The following ITGA9 variants were observed in gnomAD, a reference collection of about 807,000 sequenced individuals.
ITGA9 encodes integrin alpha-9.
A neutral mutation model predicts 127.8 loss-of-function variants in ITGA9; 56 were observed. The ratio of observed to expected loss-of-function variants is 0.44; its 90% CI spans 0.35 to 0.55. The LOEUF (loss-of-function observed/expected upper bound fraction) is 0.55. Ranked by LOEUF, ITGA9 falls within the 20% of genes least tolerant of loss-of-function variation. ITGA9 has a pLI of 0.00. For missense variants in ITGA9, 1,196 were observed against 1,347.1 expected (o/e 0.89, Z 1.76); for synonymous variants, 508 against 514.5 (o/e 0.99, Z 0.17).
At chr3:37,766,380 T>G (rs546674608) in intron 23 of ITGA9, among the ~76,000 whole-genome samples, 120 of 152,366 alleles carry the variant, frequency 7.9e-4, no homozygotes, top group African/African-American at 2.7e-3. Context: ...CATGAAGTCC[T>G]TGAAACTTGA....
chr3:37,536,744 C>T (rs962303072), intron 14 of ITGA9, among the ~76,000 whole-genome samples: 3 of 152,242 alleles, frequency 2.0e-5, no homozygotes, highest in Non-Finnish European at 4.4e-5. Flanking sequence ...CAGACTTTCT[C>T]TGTAGGAGGT....
intron 18 of ITGA9, among the ~76,000 whole-genome samples, chr3:37,691,662 G>A (rs1018998109): frequency 1.3e-5 from 2 of 152,174 alleles, no homozygotes; most frequent in South Asian, 2.1e-4. Flanking sequence ...GCTGTTTTCC[G>A]TATGTTCTAG....
chr3:37,568,340 C>T (rs989758106), intron 15 of ITGA9, among the ~76,000 whole-genome samples: 1 of 152,284 alleles, frequency 6.6e-6, no homozygotes, highest in Admixed American at 6.5e-5. Flanking sequence ...TTTTTTCCTC[C>T]TAGGCCTCCA....
chr3:37,731,260 C>T (rs1019715463), intron 18 of ITGA9, among the ~76,000 whole-genome samples: 2 of 152,140 alleles, frequency 1.3e-5, no homozygotes, highest in Admixed American at 6.5e-5. Flanking sequence ...CACTCTCGCC[C>T]AGGCTGGAGT....
Position 37,799,565 on chromosome 3 carries a change from A to C in ITGA9, c.2890-4258A>C, listed in dbSNP as rs914293295. Among the ~76,000 whole-genome samples the C allele has an allele frequency of 2.0e-5, 3 of 152,204 alleles. No individual in the cohort carries two copies. The highest frequency in any genetic ancestry group is 7.2e-5 in the African/African-American group (3 of 41,452). Reference sequence around the variant, plus strand: ...AAATATGTGTCCTGGGAGCAGCTGGAAAGGCAGGAAGGAGACCAGAGTATG... The same window carrying C: ...AAATATGTGTCCTGGGAGCAGCTGGCAAGGCAGGAAGGAGACCAGAGTATG... On this transcript the variant is annotated intron_variant, in intron 26 of 27. Transcript: ENST00000264741. This position sits in a 1 kb window ranked among gnomAD's most constrained non-coding sequence, Gnocchi z 4.0.
chr3:37,643,516 G>A (rs201087285), intron 16 of ITGA9, among the ~76,000 whole-genome samples: 2 of 138,802 alleles, frequency 1.4e-5, no homozygotes, highest in East Asian at 2.1e-4. Context: ...TTTGCAATTT[G>A]TGGGGGGAAA....
chr3:37,792,072 G>A (rs549510396), intron 26 of ITGA9, among the ~76,000 whole-genome samples: 31 of 152,262 alleles, frequency 2.0e-4, no homozygotes, highest in African/African-American at 6.7e-4. Context: ...CCCATCCTAT[G>A]CCATCAGCAG....
intron 16 of ITGA9, among the ~76,000 whole-genome samples, chr3:37,649,112 G>A (rs371823224): frequency 1.1e-3 from 121 of 110,274 alleles, no homozygotes; most frequent in African/African-American, 3.8e-3. Context: ...AAAACCTATC[G>A]ATACAAAAAA....
intron 23 of ITGA9, among the ~76,000 whole-genome samples, chr3:37,758,012 A>T (rs1696674572): frequency 6.6e-6 from 1 of 151,778 alleles, no homozygotes; most frequent in African/African-American, 2.4e-5. Context: ...GAAAACAGAT[A>T]CAAAAGTTCT....
rs116389771 is a variant in ITGA9 at position 37,480,549 on chromosome 3, G to A, written c.421-935G>A. ...GTGAGATGGAGATGTTCTGTGTCTT[G>A]CTAGGGCCTTGGTGACATGAGTGTG... On this transcript the variant is annotated intron_variant, in intron 3 of 27. Coordinates refer to ENST00000264741, the MANE Select transcript of ITGA9 (RefSeq NM_002207.3). 9.0e-3 allele frequency among the ~76,000 whole-genome samples: 1,367 copies of A among 152,280 alleles called. 18 individuals are homozygous for A. Among genetic ancestry groups the A allele is most frequent in the African/African-American group, 0.031 (1,280 of 41,542 alleles).
intron 15 of ITGA9, among the ~76,000 whole-genome samples, chr3:37,589,058 T>C (rs1478441387): frequency 6.6e-6 from 1 of 152,194 alleles, no homozygotes; most frequent in Non-Finnish European, 1.5e-5. Flanking sequence ...CTGACCAGCT[T>C]GGTGATTTTT....
intron 17 of ITGA9, among the ~76,000 whole-genome samples, chr3:37,663,258 A>C (rs929973868): frequency 6.6e-6 from 1 of 152,234 alleles, no homozygotes; most frequent in African/African-American, 2.4e-5. Context: ...CATATGATAA[A>C]GAAAAAGACT....
intron 15 of ITGA9, among the ~76,000 whole-genome samples, chr3:37,574,868 G>A (rs899755045): frequency 6.6e-6 from 1 of 152,138 alleles, no homozygotes; most frequent in African/African-American, 2.4e-5. Context: ...GCTCCAGCAG[G>A]ATCAGAATGA....
chr3:37,813,313 CTT>C (rs1697390973), intron 27 of ITGA9, among the ~76,000 whole-genome samples: 1 of 152,144 alleles, frequency 6.6e-6, no homozygotes, highest in Non-Finnish European at 1.5e-5. Context: ...GGTATGGTAA[CTT>C]GGGGATTATT....
chr3:37,816,146 G>T (rs1488903024), intron 27 of ITGA9, among the ~76,000 whole-genome samples: 1 of 152,140 alleles, frequency 6.6e-6, no homozygotes, highest in African/African-American at 2.4e-5. Context: ...CATGGTAAAG[G>T]GTGTGGAGGG....
intron 15 of ITGA9, among the ~76,000 whole-genome samples, chr3:37,614,597 G>T (rs968982000): frequency 5.9e-5 from 9 of 151,336 alleles, no homozygotes; most frequent in Non-Finnish European, 1.0e-4. Context: ...CTACCCATGA[G>T]CATGGAATGT....
chr3:37,587,176 A>G (rs1699767202), intron 15 of ITGA9, among the ~76,000 whole-genome samples: 1 of 152,224 alleles, frequency 6.6e-6, no homozygotes, highest in Non-Finnish European at 1.5e-5. Context: ...TAATTGAACC[A>G]ATAATTATTA....
intron 23 of ITGA9, among the ~76,000 whole-genome samples, chr3:37,772,537 C>T (rs923375130): frequency 5.9e-5 from 9 of 151,884 alleles, no homozygotes; most frequent in African/African-American, 1.7e-4. Flanking sequence ...TGTTAGGTGC[C>T]GTTGTCATGG....
Position 37,784,997 on chromosome 3 carries a change from G to T in ITGA9, c.2808G>T (p.Gln936His). 1 of 1,614,118 alleles carries T rather than the reference G, an allele frequency of 6.2e-7. No homozygotes were observed. ...ILKKDSSSVI[Q>H]FMSRAKVKVD... Reference sequence around the variant, plus strand: ...CACAGGACAGTTCGTCTGTCATCCAGTTCATGTCCCGCGCCAAGGTGAAGG... The same window carrying T: ...CACAGGACAGTTCGTCTGTCATCCATTTCATGTCCCGCGCCAAGGTGAAGG... Residue 936 changes from glutamine (Q) to histidine (H), a missense_variant, in exon 26 of 28, where the codon CAG (glutamine) becomes CAT (histidine). Physicochemically the swap from Gln to His is conservative, Grantham distance 24 (BLOSUM62 0). Coordinates refer to ENST00000264741, the MANE Select transcript of ITGA9 (RefSeq NM_002207.3).
Sources: allele counts gnomAD v4.1 joint callset (sites outside exome capture counted in the v4.1 genomes callset), GRCh38; gene constraint gnomAD v4.1.1; non-coding constraint Gnocchi (gnomAD v3.1); transcripts MANE v1.5; gene names NCBI Gene and HGNC (gene_info 2026-07-23, HGNC 2026-07-21).